Variants in HSD17B14 observed in about 807,000 individuals in gnomAD.
HSD17B14 encodes the protein hydroxysteroid 17-beta dehydrogenase 14.
Under a neutral mutation model 32.2 loss-of-function variants are expected in HSD17B14, and 32 were observed. That is an observed-to-expected ratio of 0.99 (90% CI 0.75 to 1.33). The LOEUF (loss-of-function observed/expected upper bound fraction) is 1.33, where lower values mean the gene tolerates loss of function less well. Ranked by LOEUF, HSD17B14 falls within the 40% of genes most tolerant of loss-of-function variation. The probability of loss-of-function intolerance (pLI) is 0.00; values close to 1 mark genes in which losing one functional copy is unlikely to be tolerated. For synonymous variants in HSD17B14, 140 were observed against 155.4 expected, an observed-to-expected ratio of 0.90 and a Z score of 0.74; for missense variants, 370 against 366.5, an observed-to-expected ratio of 1.01 and a Z score of -0.08.
At chr19:48,833,661 T>C (rs1246844478) in intron 3 of HSD17B14, among the ~76,000 whole-genome samples, 2 of 152,048 alleles carry the variant, frequency 1.3e-5, no homozygotes, top group Non-Finnish European at 2.9e-5. Context: ...ACACCGTCTC[T>C]ACTAAAAATA....
At chr19:48,823,017 A>G (rs971072384) in intron 5 of HSD17B14, among the ~76,000 whole-genome samples, 2 of 152,186 alleles carry the variant, frequency 1.3e-5, no homozygotes, top group African/African-American at 4.8e-5. Context: ...CAAGCAGACA[A>G]AAGTCTTTGC....
intron 5 of HSD17B14, among the ~76,000 whole-genome samples, chr19:48,826,216 G>C (rs1427641181): frequency 6.6e-6 from 1 of 151,812 alleles, no homozygotes; most frequent in Non-Finnish European, 1.5e-5. Flanking sequence ...AGATAGGCCG[G>C]ACATGGTGGC....
chr19:48,816,824 T>TTTCTTTC (rs1555775916), intron 5 of HSD17B14, among the ~76,000 whole-genome samples: 12 of 50,798 alleles, frequency 2.4e-4, no homozygotes, highest in African/African-American at 5.8e-4. Flanking sequence ...TCTTTCTTTC[T>TTTCTTTC]TTTCTTTCTC....
At chr19:48,813,966 T>G (rs2035007859) in intron 6 of HSD17B14, among the ~76,000 whole-genome samples, 1 of 151,916 alleles carries the variant, frequency 6.6e-6, no homozygotes, top group South Asian at 2.1e-4. Flanking sequence ...GAGGCCGGGA[T>G]GGGTGGATCA....
In HSD17B14 at chr19:48,813,697, G is replaced by A; in HGVS notation, c.508C>T (p.Leu170=). The change falls in exon 7 of 9, where the codon CTG becomes TTG. Residue 170 remains leucine (L), a synonymous_variant. Transcript: ENST00000263278. Reference sequence around the variant, plus strand: ...CGGACACCATATGGACTTTCATCCAGGGCCAAAGCTTTGGTCATGGCTGTT... The same window carrying A: ...CGGACACCATATGGACTTTCATCCAAGGCCAAAGCTTTGGTCATGGCTGTT... ...AVTAMTKALA[L]DESPYGVRVN... 1 of 1,614,178 alleles carries A rather than the reference G, an allele frequency of 6.2e-7. No individual in the cohort carries two copies. The highest frequency in any genetic ancestry group is 8.5e-7 in the Non-Finnish European group (1 of 1,180,036).
At chr19:48,825,302 A>G (rs2035226567) in intron 5 of HSD17B14, among the ~76,000 whole-genome samples, 1 of 150,686 alleles carries the variant, frequency 6.6e-6, no homozygotes, top group South Asian at 2.1e-4. Context: ...CAACGGGTAG[A>G]GCAAGTTATT....
Position 48,834,677 on chromosome 19 carries a change from G to A in HSD17B14, c.128-319C>T, listed in dbSNP as rs561534172. Among the ~76,000 whole-genome samples, 11 of 81,310 alleles carry A rather than the reference G, an allele frequency of 1.4e-4. No homozygotes were observed. In the South Asian group the frequency reaches 5.5e-3, roughly 40 times the overall value. 53.3% of individuals were successfully genotyped at this position (81,310 alleles called of 152,430 possible). A position where few individuals can be genotyped will look rare whatever the true frequency, so the allele number is the denominator to read the frequency against. The stretch of plus-strand genomic sequence containing the variant: ...GGGTCCGAGGAAGTAGGGCCTGGGG[G>A]CCTGGACTCCTGGGTCTGAGGGAGG... On this transcript the variant is annotated intron_variant, in intron 2 of 8. Coordinates refer to ENST00000263278, the MANE Select transcript of HSD17B14 (RefSeq NM_016246.3).
chr19:48,830,831 T>C (rs2035324832), intron 5 of HSD17B14, among the ~76,000 whole-genome samples: 1 of 129,878 alleles, frequency 7.7e-6, no homozygotes, highest in Non-Finnish European at 1.5e-5. Flanking sequence ...CCTATTTATT[T>C]ATTTATTTAT....
chr19:48,824,405 C>T (rs1169432257), intron 5 of HSD17B14, among the ~76,000 whole-genome samples: 3 of 148,696 alleles, frequency 2.0e-5, no homozygotes, highest in Non-Finnish European at 4.4e-5. Flanking sequence ...CACTGCTCAC[C>T]AGCTGGGAAG....
At chr19:48,821,564 A>C (rs1599831527) in intron 5 of HSD17B14, among the ~76,000 whole-genome samples, 4 of 152,312 alleles carry the variant, frequency 2.6e-5, no homozygotes, top group African/African-American at 9.6e-5. Flanking sequence ...CCCCAGAATC[A>C]ACATTTAAAG....
chr19:48,826,546 C>T (rs74174262), intron 5 of HSD17B14, among the ~76,000 whole-genome samples: 30,755 of 50,746 alleles, frequency 0.61, 7,750 homozygotes, highest in Non-Finnish European at 0.65. Flanking sequence ...TATATATACA[C>T]ACACACACAC....
intron 5 of HSD17B14, among the ~76,000 whole-genome samples, chr19:48,818,858 G>A (rs376521438): frequency 1.7e-4 from 26 of 152,306 alleles, no homozygotes; most frequent in African/African-American, 5.5e-4. Flanking sequence ...TCTGAGACAG[G>A]AGCAGGCCTG....
chr19:48,835,442 T>G (rs1424355795), intron 2 of HSD17B14, among the ~76,000 whole-genome samples: 23 of 70,042 alleles, frequency 3.3e-4, no homozygotes, highest in South Asian at 5.8e-4. Context: ...AGGGAGGAGG[T>G]GCCAGAGCCT....
chr19:48,835,597 CCTGGA>C (rs1369322759), intron 2 of HSD17B14, among the ~76,000 whole-genome samples: 1 of 137,878 alleles, frequency 7.3e-6, no homozygotes, highest in Non-Finnish European at 1.6e-5. Context: ...GGGCTGGGGA[CCTGGA>C]CTCCTGGGTC....
At position 48,835,628 on chromosome 19, in the gene HSD17B14, TG is replaced by T. The variant is rs1334804191; in HGVS notation, c.127+176del. ...CTCCTGGGTCTGAGGGCAGAGGGGC[TG>T]GGGGCCTGGACTCCTAGGTCTGAGG... On this transcript the variant is annotated intron_variant, in intron 2 of 8. Transcript: ENST00000263278. Among the ~76,000 whole-genome samples, 23 of 139,916 alleles carry T rather than the reference TG, an allele frequency of 1.6e-4. No individual in the cohort carries two copies. In the East Asian group the frequency reaches 3.5e-3, roughly 22 times the overall value. 91.8% of individuals were successfully genotyped at this position (139,916 alleles called of 152,430 possible). A position where few individuals can be genotyped will look rare whatever the true frequency, so the allele number is the denominator to read the frequency against.
At chr19:48,830,723 A>G (rs536393640) in intron 5 of HSD17B14, among the ~76,000 whole-genome samples, 1 of 152,018 alleles carries the variant, frequency 6.6e-6, no homozygotes, top group African/African-American at 2.4e-5. Context: ...GGGTTTCACT[A>G]TGTTGCCCAG....
chr19:48,821,546 G>A (rs1271027426), intron 5 of HSD17B14, among the ~76,000 whole-genome samples: 1 of 152,100 alleles, frequency 6.6e-6, no homozygotes, highest in Non-Finnish European at 1.5e-5. Flanking sequence ...AAGGGATCTG[G>A]GCAGGGGCCC....
chr19:48,816,779 T>TTTTCTTTCC (rs1555775884), intron 5 of HSD17B14, among the ~76,000 whole-genome samples: 3 of 122,178 alleles, frequency 2.5e-5, no homozygotes, highest in African/African-American at 3.3e-5. Context: ...GCAAGACCCT[T>TTTTCTTTCC]TTTCTTTCTT....
intron 5 of HSD17B14, among the ~76,000 whole-genome samples, chr19:48,822,212 G>A (rs974649381): frequency 7.0e-6 from 1 of 143,336 alleles, no homozygotes; most frequent in Non-Finnish European, 1.5e-5. Flanking sequence ...ATGATGGTGA[G>A]GTTGGGGATG....
Sources: gnomAD v4.1 joint callset for allele counts (sites outside exome capture counted in the v4.1 genomes callset) on GRCh38, gnomAD v4.1.1 for gene constraint, MANE v1.5 for transcripts, NCBI Gene and HGNC (gene_info 2026-07-23, HGNC 2026-07-21) for gene names.